SLC12A1: variants seen among roughly 807,000 people sequenced by gnomAD.
SLC12A1 encodes the protein solute carrier family 12 member 1, also known as Na-K-2Cl cotransporter.
Under a neutral mutation model 130.4 loss-of-function variants are expected in SLC12A1, and 89 were observed. That is an observed-to-expected ratio of 0.68 (90% CI 0.58 to 0.81). SLC12A1 has a LOEUF of 0.81. Among genes scored for constraint, SLC12A1 ranks in the 40% least tolerant of loss-of-function variants. The probability of loss-of-function intolerance (pLI) is 0.00; values close to 1 mark genes in which losing one functional copy is unlikely to be tolerated. For synonymous variants in SLC12A1, 499 were observed against 460.0 expected (o/e 1.08, Z -1.09); for missense variants, 1,310 against 1,336.4 (o/e 0.98, Z 0.31).
chr15:48,241,549 T>C lies in SLC12A1; in HGVS notation c.1250T>C (p.Leu417Pro). 1 of 1,613,926 alleles carries C rather than the reference T, an allele frequency of 6.2e-7. No homozygotes were observed. The highest frequency in any genetic ancestry group is 8.5e-7 in the Non-Finnish European group (1 of 1,179,802). The change falls in exon 10 of 27, where the codon CTG becomes CCG. Residue 417 changes from leucine to proline, a missense_variant. Transcript: ENST00000380993. Reference sequence around the variant, plus strand: ...GATGCCATCCCCAGAGGAACCATGCTGGCCATTTTCATCACCACTGTTGCC... The same window carrying C: ...GATGCCATCCCCAGAGGAACCATGCCGGCCATTTTCATCACCACTGTTGCC... ...PQDAIPRGTM[L>P]AIFITTVAYL... is the part of the protein sequence containing the mutation.
chr15:48,302,916 A>G lies in SLC12A1; in HGVS notation c.*31A>G. ...GAAAGATTGGAATACATTTTAACTT[A>G]ATGTAATGCATAATTAAGAAACATG... On this transcript the variant is annotated 3_prime_UTR_variant, in exon 27 of 27. Coordinates refer to ENST00000380993, the MANE Select transcript of SLC12A1 (RefSeq NM_000338.3). The G allele has an allele frequency of 6.7e-7, 1 of 1,499,196 alleles. No homozygotes were observed. The highest frequency in any genetic ancestry group is 1.2e-5 in the South Asian group (1 of 86,746). 92.9% of individuals were successfully genotyped at this position (1,499,196 alleles called of 1,614,324 possible). A position where few individuals can be genotyped will look rare whatever the true frequency, so the allele number is the denominator to read the frequency against.
At chr15:48,227,383 G>T (rs531303031) in intron 5 of SLC12A1, 2 of 582,904 alleles carry the variant, frequency 3.4e-6, no homozygotes, top group Admixed American at 2.9e-5. Flanking sequence ...AACAAAACAT[G>T]TTTATAAAGT....
Position 48,226,511 on chromosome 15 carries a change from G to T in SLC12A1, c.664G>T (p.Val222Leu). The T allele has an allele frequency of 6.2e-7, 1 of 1,605,766 alleles. No homozygotes were observed. Among genetic ancestry groups the T allele is most frequent in the Non-Finnish European group, 8.5e-7 (1 of 1,176,870 alleles). The change falls in exon 5 of 27, where the codon GTA (valine) becomes TTA (leucine). Residue 222 changes from valine to leucine, a missense_variant. Transcript: ENST00000380993. The stretch of plus-strand genomic sequence containing the variant: ...TCTCATAATTCTTCTTTCCACCATG[G>T]TAACTTCTATTACTGGGTTGTCAAC... ...GVLIILLSTM[V>L]TSITGLSTSA... is the part of the protein sequence containing the mutation.
chr15:48,211,501 T>G (rs2041051547), intron 2 of SLC12A1, among the ~76,000 whole-genome samples: 1 of 152,210 alleles, frequency 6.6e-6, no homozygotes, highest in East Asian at 1.9e-4. Flanking sequence ...ACAAACATTA[T>G]GTGATTATAC....
At position 48,288,090 on chromosome 15, in the gene SLC12A1, C is replaced by T; in HGVS notation, c.2677C>T (p.Gln893Ter). Residue 893 changes from glutamine (Q) to a stop codon, truncating the protein, a stop_gained, in exon 22 of 27, where the codon CAG becomes TAG. Coordinates refer to ENST00000380993, the MANE Select transcript of SLC12A1 (RefSeq NM_000338.3). LOFTEE classifies it high-confidence loss of function. Reference protein sequence around the residue: ...SQSMHVGEFNQKLVEASTQFK... With the variant: ...SQSMHVGEFN ...GTCGATGCATGTGGGAGAGTTCAAC[C>T]AGAAACTGGTGGAAGCCAGCACTCA... The T allele has an allele frequency of 6.2e-7, 1 of 1,611,004 alleles. No homozygotes were observed. The highest frequency in any genetic ancestry group is 8.5e-7 in the Non-Finnish European group (1 of 1,178,614).
At chr15:48,235,130 T>C in intron 9 of SLC12A1, 126 bp downstream of exon 9, 3 of 1,006,596 alleles carry the variant, frequency 3.0e-6, no homozygotes, top group Non-Finnish European at 4.7e-6. Context: ...TTCTGCAAGA[T>C]TTCCTGATGA....
At position 48,291,815 on chromosome 15, in the gene SLC12A1, G is replaced by A. The variant is rs934292797; in HGVS notation, c.2911G>A (p.Ala971Thr). 1.3e-6 allele frequency: 2 copies of A among 1,571,326 alleles called. No homozygotes were observed. The highest frequency in any genetic ancestry group is 1.7e-4 in the Middle Eastern group (1 of 6,012). Residue 971 changes from alanine (A) to threonine (T), a missense_variant, in exon 24 of 27, where the codon GCA (alanine) becomes ACA (threonine). Coordinates refer to ENST00000380993, the MANE Select transcript of SLC12A1 (RefSeq NM_000338.3). The stretch of plus-strand genomic sequence containing the variant: ...TCTGAGCAAATTTAGGATAAAATTT[G>A]CAGACATCCATATCATCGGTGACAT... ...SLLSKFRIKF[A>T]DIHIIGDINI...
intron 16 of SLC12A1, among the ~76,000 whole-genome samples, chr15:48,258,602 G>A (rs1415210953): frequency 6.6e-6 from 1 of 152,138 alleles, no homozygotes; most frequent in South Asian, 2.1e-4. Flanking sequence ...CTTCTTCTGG[G>A]CCCTCCAAAC....
At chr15:48,289,394 C>CATATATATATAT (rs10609887) in intron 23 of SLC12A1, among the ~76,000 whole-genome samples, 25 of 112,852 alleles carry the variant, frequency 2.2e-4, no homozygotes, top group South Asian at 1.4e-3. Flanking sequence ...GTGAATGTGA[C>CATATATATATAT]ATATATATAT....
chr15:48,226,926 C>T (rs1415250548), intron 5 of SLC12A1: 8 of 629,906 alleles, frequency 1.3e-5, no homozygotes, highest in Non-Finnish European at 1.4e-5. Context: ...TCAGGTGCTT[C>T]CTAGACCTTC....
At chr15:48,229,531 T>C (rs1044317254) in intron 6 of SLC12A1, among the ~76,000 whole-genome samples, 1 of 152,244 alleles carries the variant, frequency 6.6e-6, no homozygotes, top group African/African-American at 2.4e-5. Context: ...GATTAGTTCC[T>C]CTATTCTTCC....
In SLC12A1 at chr15:48,226,197, T is replaced by C. The variant is rs1157906900; in HGVS notation, c.629-279T>C. ...ATGTTTTCTCTTTTCACAGCCAGGA[T>C]AGTTTCTCTCCCAGGACACCAGCAT... On this transcript the variant is annotated intron_variant, in intron 4 of 26. Transcript: ENST00000380993. The C allele has an allele frequency of 8.6e-6, 3 of 350,238 alleles. No individual in the cohort carries two copies. The East Asian group carries it at 1.6e-4, about 18-fold the overall frequency. 21.7% of individuals were successfully genotyped at this position (350,238 alleles called of 1,614,324 possible).
chr15:48,237,104 A>T, intron 9 of SLC12A1: 1 of 687,138 alleles, frequency 1.5e-6, no homozygotes, highest in Non-Finnish European at 2.6e-6. Flanking sequence ...CAAAGGAAAG[A>T]GGAAGCAGAA....
intron 15 of SLC12A1, among the ~76,000 whole-genome samples, chr15:48,254,003 A>T (rs1437083010): frequency 6.6e-6 from 1 of 152,100 alleles, no homozygotes; most frequent in Admixed American, 6.6e-5. Context: ...TTTTATTATT[A>T]TTCAGTAATG....
chr15:48,300,963 T>C (rs1036586676), intron 25 of SLC12A1, among the ~76,000 whole-genome samples: 1 of 152,236 alleles, frequency 6.6e-6, no homozygotes, highest in African/African-American at 2.4e-5. Context: ...CATGGGCATA[T>C]GCCACTGTGC....
At chr15:48,291,724 G>A in intron 23 of SLC12A1, 54 bp from the exon 24 acceptor site, 2 of 1,099,222 alleles carry the variant, frequency 1.8e-6, no homozygotes, top group Non-Finnish European at 2.7e-6. Context: ...AAAACTCTTT[G>A]ATTGAAAATA....
At chr15:48,219,715 G>T (rs890489595) in intron 2 of SLC12A1, among the ~76,000 whole-genome samples, 4 of 152,092 alleles carry the variant, frequency 2.6e-5, no homozygotes, top group Non-Finnish European at 5.9e-5. Flanking sequence ...TTCTCTTAAA[G>T]ATCCTCTGAG....
chr15:48,299,692 G>A (rs1183803121), intron 25 of SLC12A1, among the ~76,000 whole-genome samples: 2 of 152,170 alleles, frequency 1.3e-5, no homozygotes, highest in African/African-American at 4.8e-5. Context: ...ACTTATAAAG[G>A]CATCTGAAGA....
At chr15:48,279,354 A>C (rs1475566217) in intron 20 of SLC12A1, among the ~76,000 whole-genome samples, 1 of 152,232 alleles carries the variant, frequency 6.6e-6, no homozygotes, top group African/African-American at 2.4e-5. Flanking sequence ...CCACAGTGTC[A>C]TCACAGATTA....
Sources: gnomAD v4.1 joint callset for allele counts (sites outside exome capture counted in the v4.1 genomes callset) on GRCh38, gnomAD v4.1.1 for gene constraint, MANE v1.5 for transcripts, NCBI Gene and HGNC (gene_info 2026-07-23, HGNC 2026-07-21) for gene names.